The following SH3BGRL2 variants were observed in gnomAD, a reference collection of about 807,000 sequenced individuals.
SH3BGRL2 encodes the protein SH3 domain binding glutamate rich protein like 2, also known as SH3 domain-binding glutamic acid-rich-like protein 2.
In SH3BGRL2, 21 loss-of-function variants were observed where a neutral mutation model predicts 14.8. The ratio of observed to expected loss-of-function variants is 1.42; its 90% CI spans 1.01 to 2.05. The LOEUF is 2.05. Ranked by LOEUF, SH3BGRL2 falls within the 30% of genes most tolerant of loss-of-function variation. The probability of loss-of-function intolerance (pLI) is 0.00; values close to 1 mark genes in which losing one functional copy is unlikely to be tolerated. For synonymous variants in SH3BGRL2, 50 were observed against 47.8 expected (o/e 1.05, Z -0.19); for missense variants, 147 against 130.8 (o/e 1.12, Z -0.61).
At chr6:79,635,038 A>G (rs2127722236) in intron 1 of SH3BGRL2, among the ~76,000 whole-genome samples, 1 of 152,258 alleles carries the variant, frequency 6.6e-6, no homozygotes, top group East Asian at 1.9e-4. Context: ...TGTAGTGCTT[A>G]GCATCTCAGA....
chr6:79,576,231 A>G, the SH3BGRL2 span, among the ~76,000 whole-genome samples: 2 of 152,158 alleles, frequency 1.3e-5, no homozygotes, highest in South Asian at 2.1e-4. Context: ...TTGTTTAGGC[A>G]TAAGCACATT....
At chr6:79,636,988 C>A (rs897196599) in intron 1 of SH3BGRL2, among the ~76,000 whole-genome samples, 7 of 152,096 alleles carry the variant, frequency 4.6e-5, no homozygotes, top group Non-Finnish European at 8.8e-5. Flanking sequence ...CATAACTCAA[C>A]ACATAATAGC....
the SH3BGRL2 span, among the ~76,000 whole-genome samples, chr6:79,567,729 G>C: frequency 6.6e-6 from 1 of 152,180 alleles, no homozygotes; most frequent in Non-Finnish European, 1.5e-5. Context: ...AATCTGCAAA[G>C]TAAAAGAGAT....
intron 2 of SH3BGRL2, among the ~76,000 whole-genome samples, chr6:79,683,853 A>C (rs911272965): frequency 1.6e-4 from 25 of 152,156 alleles, no homozygotes; most frequent in African/African-American, 6.0e-4. Context: ...GATATATTTG[A>C]GAAACACTGG....
In SH3BGRL2 at chr6:79,675,983, C is replaced by T. The variant is rs143203563; in HGVS notation, c.231+2184C>T. 2.7e-4 allele frequency among the ~76,000 whole-genome samples: 41 copies of T among 152,256 alleles called. No individual in the cohort carries two copies. In the East Asian group the frequency reaches 5.6e-3, roughly 21 times the overall value. Reference sequence around the variant, plus strand: ...CACTAGAAGCTGCGTGTGTGTCTTACATGAATGCAGCCTTGTTTCCCTGTG... The same window carrying T: ...CACTAGAAGCTGCGTGTGTGTCTTATATGAATGCAGCCTTGTTTCCCTGTG... On this transcript the variant is annotated intron_variant, in intron 2 of 3. Transcript: ENST00000369838.
At chr6:79,557,360 C>G in the SH3BGRL2 span, among the ~76,000 whole-genome samples, 1 of 151,828 alleles carries the variant, frequency 6.6e-6, no homozygotes, top group South Asian at 2.1e-4. Flanking sequence ...TCTGTAATTG[C>G]TTTGCCTAAT....
chr6:79,639,795 A>G (rs1332083821), intron 1 of SH3BGRL2, among the ~76,000 whole-genome samples: 3 of 152,206 alleles, frequency 2.0e-5, no homozygotes, highest in Non-Finnish European at 4.4e-5. Flanking sequence ...GTATTATTTT[A>G]GCTGGAGAGT....
At chr6:79,614,707 G>GC in the SH3BGRL2 span, among the ~76,000 whole-genome samples, 1 of 152,134 alleles carries the variant, frequency 6.6e-6, no homozygotes, top group Non-Finnish European at 1.5e-5. Context: ...GCGTAGAAAA[G>GC]CCTCTGATTC....
At chr6:79,630,697 A>G (rs1768804946), upstream of SH3BGRL2, among the ~76,000 whole-genome samples, 1 of 152,174 alleles carries the variant, frequency 6.6e-6, no homozygotes, top group African/African-American at 2.4e-5. Context: ...TTTTTCTACT[A>G]CAATTACAGT....
chr6:79,545,658 G>A, the SH3BGRL2 span, among the ~76,000 whole-genome samples: 1 of 152,156 alleles, frequency 6.6e-6, no homozygotes, highest in South Asian at 2.1e-4. Context: ...AAGCATGGAG[G>A]ACCTGCATAA....
the SH3BGRL2 span, among the ~76,000 whole-genome samples, chr6:79,552,296 T>G: frequency 6.6e-6 from 1 of 152,142 alleles, no homozygotes; most frequent in Non-Finnish European, 1.5e-5. Flanking sequence ...ATTTTAACAT[T>G]GCTTATCTTT....
chr6:79,551,929 A>C, the SH3BGRL2 span, among the ~76,000 whole-genome samples: 1 of 152,240 alleles, frequency 6.6e-6, no homozygotes, highest in South Asian at 2.1e-4. Flanking sequence ...GTCTCTACGA[A>C]AAATACCAAA....
At chr6:79,606,458 T>G in the SH3BGRL2 span, among the ~76,000 whole-genome samples, 1 of 152,226 alleles carries the variant, frequency 6.6e-6, no homozygotes, top group Non-Finnish European at 1.5e-5. Context: ...CGTACTATGG[T>G]GAACACTGCT....
At chr6:79,691,338 GT>G (rs147694181) in intron 2 of SH3BGRL2, among the ~76,000 whole-genome samples, 12 of 149,248 alleles carry the variant, frequency 8.0e-5, no homozygotes, top group East Asian at 5.9e-4. Flanking sequence ...TTTTGTTTTT[GT>G]TTTTTTTTGT....
chr6:79,632,267 T>A lies in SH3BGRL2; in HGVS notation c.45+761T>A, dbSNP rs188476613. On this transcript the variant is annotated intron_variant, in intron 1 of 3. Transcript: ENST00000369838. ...CTTGAATTTTTTTAGAGAAAAAAAATTTTTTTAAAGAAAGGAAAGTTAAAT... is the reference window on the plus strand; with the variant it reads ...CTTGAATTTTTTTAGAGAAAAAAAAATTTTTTAAAGAAAGGAAAGTTAAAT... Among the ~76,000 whole-genome samples the A allele has an allele frequency of 7.7e-3, 1,169 of 152,188 alleles. 13 individuals carry two copies. Among genetic ancestry groups the A allele is most frequent in the Middle Eastern group, 0.027 (8 of 294 alleles).
the SH3BGRL2 span, among the ~76,000 whole-genome samples, chr6:79,585,198 A>G: frequency 2.6e-5 from 4 of 152,188 alleles, no homozygotes; most frequent in South Asian, 2.1e-4. Flanking sequence ...TAATTTTTCC[A>G]TCAATTTAAT....
chr6:79,569,282 C>T, the SH3BGRL2 span, among the ~76,000 whole-genome samples: 1 of 152,080 alleles, frequency 6.6e-6, no homozygotes, highest in African/African-American at 2.4e-5. Context: ...TTAAGATATG[C>T]AGTTGTGGAG....
At chr6:79,621,856 C>T in the SH3BGRL2 span, among the ~76,000 whole-genome samples, 1 of 152,148 alleles carries the variant, frequency 6.6e-6, no homozygotes, top group Non-Finnish European at 1.5e-5. Flanking sequence ...TGGGGAAGCT[C>T]TTCCTCCCTG....
At chr6:79,671,264 C>T (rs925803531) in intron 1 of SH3BGRL2, among the ~76,000 whole-genome samples, 4 of 152,038 alleles carry the variant, frequency 2.6e-5, no homozygotes. Flanking sequence ...GTCGGGAGTT[C>T]GAGTTCAGCC....
Sources: gnomAD v4.1 joint callset for allele counts (sites outside exome capture counted in the v4.1 genomes callset) on GRCh38, gnomAD v4.1.1 for gene constraint, MANE v1.5 for transcripts, NCBI Gene and HGNC (gene_info 2026-07-23, HGNC 2026-07-21) for gene names.